The following CNBD1 variants were observed in gnomAD, a reference collection of about 807,000 sequenced individuals.
CNBD1 encodes the protein cyclic nucleotide-binding domain-containing protein 1.
A neutral mutation model predicts 54.4 loss-of-function variants in CNBD1; 71 were observed. That is an observed-to-expected ratio of 1.30 (90% CI 1.08 to 1.59). The LOEUF (loss-of-function observed/expected upper bound fraction) is 1.59. Ranked by LOEUF, CNBD1 falls within the 40% of genes most tolerant of loss-of-function variation. The pLI is 0.00. For missense variants in CNBD1, 659 were observed against 518.0 expected, an observed-to-expected ratio of 1.27 and a Z score of -2.64; for synonymous variants, 182 against 170.7, an observed-to-expected ratio of 1.07 and a Z score of -0.51.
intron 4 of CNBD1, among the ~76,000 whole-genome samples, chr8:87,001,705 G>T (rs1808996935): frequency 6.6e-6 from 1 of 152,164 alleles, no homozygotes; most frequent in South Asian, 2.1e-4. Context: ...GATGAACTCA[G>T]CAGAGGGAAT....
intron 4 of CNBD1, among the ~76,000 whole-genome samples, chr8:87,062,609 T>C (rs962320835): frequency 1.7e-4 from 26 of 152,002 alleles, no homozygotes; most frequent in Non-Finnish European, 3.4e-4. Flanking sequence ...TGGTGGCACA[T>C]TTCTGTAATC....
At chr8:87,068,122 T>C (rs753125491) in intron 4 of CNBD1, among the ~76,000 whole-genome samples, 2 of 152,034 alleles carry the variant, frequency 1.3e-5, no homozygotes, top group Non-Finnish European at 2.9e-5. Context: ...GCAACTGTGA[T>C]TTTGACCTCC....
At position 86,939,667 on chromosome 8, in the gene CNBD1, T is replaced by C. The variant is rs748097328; in HGVS notation, c.344T>C (p.Val115Ala). Residue 115 changes from valine (V) to alanine (A), a missense_variant, in exon 4 of 11, where the codon GTT becomes GCT. By Grantham distance (64) the Val-to-Ala change is moderately conservative. Coordinates refer to ENST00000518476, the MANE Select transcript of CNBD1 (RefSeq NM_173538.3). The part of the protein sequence containing the change: ...PDDSNNIAVH[V>A]QRAHGGHILY... ...GATTCTAACAATATAGCTGTCCATG[T>C]TCAGAGAGCACATGGTGGCCATATT... The C allele has an allele frequency of 6.2e-7, 1 of 1,606,742 alleles. No individual in the cohort carries two copies. Among genetic ancestry groups the C allele is most frequent in the Admixed American group, 1.7e-5 (1 of 59,264 alleles).
In CNBD1 at chr8:87,390,194, A is replaced by G. The variant is rs1013166559; in HGVS notation, c.213+36408A>G. The stretch of plus-strand genomic sequence containing the variant: ...ATTCAGGACATAGGCATGGGCAAGG[A>G]CTTCATGTCTAAAACACCAAAAGTA... On this transcript the variant is annotated intron_variant, in intron 2 of 7. Coordinates refer to the CNBD1 transcript ENST00000521593. 2.2e-4 allele frequency among the ~76,000 whole-genome samples: 33 copies of G among 152,274 alleles called. 1 individual carries two copies. Among genetic ancestry groups the G allele is most frequent in the Admixed American group, 1.8e-3 (28 of 15,298 alleles).
At chr8:86,880,017 C>T (rs559959160) in intron 1 of CNBD1, among the ~76,000 whole-genome samples, 1 of 152,218 alleles carries the variant, frequency 6.6e-6, no homozygotes, top group East Asian at 1.9e-4. Flanking sequence ...GTTTAACAAT[C>T]ACATTAGAAT....
chr8:86,928,553 C>G (rs1213835091), intron 3 of CNBD1, among the ~76,000 whole-genome samples: 1 of 152,172 alleles, frequency 6.6e-6, no homozygotes, highest in East Asian at 1.9e-4. Context: ...GGAATTATTT[C>G]ATGAATTAGG....
At chr8:87,355,013 G>C (rs1246884556) in intron 10 of CNBD1, among the ~76,000 whole-genome samples, 1 of 152,178 alleles carries the variant, frequency 6.6e-6, no homozygotes, top group Non-Finnish European at 1.5e-5. Flanking sequence ...TCATTAAAAA[G>C]TCAGGAAACA....
chr8:87,311,551 AG>A (rs1451445906), intron 8 of CNBD1, among the ~76,000 whole-genome samples: 3 of 152,040 alleles, frequency 2.0e-5, no homozygotes, highest in Non-Finnish European at 4.4e-5. Flanking sequence ...GAATTTTCAA[AG>A]AAAAAATGGA....
chr8:87,304,647 A>C (rs570917946), intron 8 of CNBD1, among the ~76,000 whole-genome samples: 132 of 152,206 alleles, frequency 8.7e-4, no homozygotes, highest in African/African-American at 3.1e-3. Flanking sequence ...AAAAATAAAT[A>C]AATAAATAAA....
intron 7 of CNBD1, 143 bp downstream of exon 7, chr8:87,284,958 A>G (rs1808664523): frequency 5.0e-6 from 3 of 596,404 alleles, no homozygotes; most frequent in Non-Finnish European, 8.1e-6. Context: ...GTTATTTGAC[A>G]AAAATCACTT....
chr8:87,302,986 A>T (rs1011863849), intron 8 of CNBD1, among the ~76,000 whole-genome samples: 1 of 151,710 alleles, frequency 6.6e-6, no homozygotes, highest in Admixed American at 6.6e-5. Flanking sequence ...GAAATAAAAG[A>T]GGATACAAAC....
chr8:87,217,484 A>G (rs1237949345), intron 5 of CNBD1, among the ~76,000 whole-genome samples: 3 of 152,070 alleles, frequency 2.0e-5, no homozygotes, highest in Admixed American at 6.6e-5. Context: ...ATGTACTTCA[A>G]TCAAAATCTA....
intron 8 of CNBD1, among the ~76,000 whole-genome samples, chr8:87,320,886 C>T (rs893513364): frequency 6.6e-6 from 1 of 152,050 alleles, no homozygotes; most frequent in African/African-American, 2.4e-5. Context: ...CCCTGCAGCC[C>T]CTGGCAAACA....
At position 87,368,212 on chromosome 8, in the gene CNBD1, G is replaced by T. The variant is rs369289833; in HGVS notation, c.1304-14408G>T. On this transcript the variant is annotated intron_variant, in intron 10 of 10. Transcript: ENST00000518476. ...AATATGTTATAGAATTTGGGTTTTG[G>T]TTGGGTGATTTGGGAAGTAGCCTAA... Among the ~76,000 whole-genome samples, 6 of 144,408 alleles carry T rather than the reference G, an allele frequency of 4.2e-5. No homozygotes were observed. In the East Asian group the frequency reaches 7.8e-4, roughly 19 times the overall value. The allele number at this position is 144,408 out of a possible 152,430, so 94.7% of individuals were successfully genotyped here.
intron 4 of CNBD1, among the ~76,000 whole-genome samples, chr8:87,026,204 C>G (rs970003260): frequency 6.6e-6 from 1 of 152,008 alleles, no homozygotes; most frequent in East Asian, 1.9e-4. Flanking sequence ...ATGGGAGGAC[C>G]AAATTCTGTC....
chr8:87,185,916 C>A (rs1359561688), intron 4 of CNBD1, among the ~76,000 whole-genome samples: 20 of 152,082 alleles, frequency 1.3e-4, no homozygotes, highest in Admixed American at 1.3e-3. Flanking sequence ...TGGATTCCCT[C>A]GTCCCATTCT....
At chr8:87,010,875 G>C (rs998237816) in intron 4 of CNBD1, among the ~76,000 whole-genome samples, 1 of 152,096 alleles carries the variant, frequency 6.6e-6, no homozygotes, top group African/African-American at 2.4e-5. Context: ...CCTTGTAGGT[G>C]TGTTTCTAGT....
At chr8:87,157,457 A>G (rs558473898) in intron 4 of CNBD1, among the ~76,000 whole-genome samples, 2 of 152,230 alleles carry the variant, frequency 1.3e-5, no homozygotes, top group Admixed American at 6.5e-5. Context: ...GTTAAGAGAT[A>G]TATAGTACCT....
chr8:86,892,657 G>A (rs1808787060), intron 2 of CNBD1, among the ~76,000 whole-genome samples: 1 of 151,942 alleles, frequency 6.6e-6, no homozygotes, highest in South Asian at 2.1e-4. Flanking sequence ...CATTGTTTCA[G>A]TACATTTAAT....
Sources: gnomAD v4.1 joint callset for allele counts (sites outside exome capture counted in the v4.1 genomes callset) on GRCh38, gnomAD v4.1.1 for gene constraint, MANE v1.5 for transcripts, NCBI Gene and HGNC (gene_info 2026-07-23, HGNC 2026-07-21) for gene names.